XYLT1: variants seen among roughly 807,000 people sequenced by gnomAD.
The protein encoded by XYLT1 is beta-D-xylosyltransferase 1.
XYLT1 carries 36 observed loss-of-function variants against 91.3 expected under a neutral mutation model. That is an observed-to-expected ratio of 0.39 (90% CI 0.30 to 0.52). The LOEUF (loss-of-function observed/expected upper bound fraction) is 0.52. Among genes scored for constraint, XYLT1 ranks in the 20% least tolerant of loss-of-function variants. The pLI is 0.68. For synonymous variants in XYLT1, 588 were observed against 532.0 expected (o/e 1.11, Z -1.45); for missense variants, 1,242 against 1,284.5 (o/e 0.97, Z 0.51).
chr16:17,395,132 G>A (rs2035867503), intron 1 of XYLT1, among the ~76,000 whole-genome samples: 1 of 152,174 alleles, frequency 6.6e-6, no homozygotes, highest in Admixed American at 6.5e-5. Flanking sequence ...ACGGCAGCAG[G>A]AGAGAATGAG....
At chr16:17,201,651 T>A (rs2032545281) in intron 3 of XYLT1, among the ~76,000 whole-genome samples, 1 of 151,954 alleles carries the variant, frequency 6.6e-6, no homozygotes, top group Non-Finnish European at 1.5e-5. Flanking sequence ...ATTTTTGTGT[T>A]TTTAGTAGAG....
intron 2 of XYLT1, among the ~76,000 whole-genome samples, chr16:17,295,316 G>T (rs1430208026): frequency 6.7e-6 from 1 of 149,484 alleles, no homozygotes; most frequent in South Asian, 2.2e-4. Flanking sequence ...GATCAATAAA[G>T]CATTATAGAG....
In XYLT1 at chr16:17,442,347, T is replaced by C. The variant is rs146341335; in HGVS notation, c.363+28087A>G. Among the ~76,000 whole-genome samples the C allele has an allele frequency of 5.4e-4, 83 of 152,314 alleles. No individual in the cohort carries two copies. In the East Asian group the frequency reaches 0.016, roughly 29 times the overall value. Reference sequence around the variant, plus strand: ...AAATTGATAGTGCAGAGCTTACAACTCATTGCAGATCAGAATCAAAAGTGT... The same window carrying C: ...AAATTGATAGTGCAGAGCTTACAACCCATTGCAGATCAGAATCAAAAGTGT... On this transcript the variant is annotated intron_variant, in intron 1 of 11. Transcript: ENST00000261381.
chr16:17,469,141 G>A (rs558185339), intron 1 of XYLT1, among the ~76,000 whole-genome samples: 2 of 152,366 alleles, frequency 1.3e-5, no homozygotes, highest in South Asian at 4.1e-4. Flanking sequence ...ATGAAGAGCT[G>A]CACTCCGGCA....
At chr16:17,227,512 A>T (rs1414352668) in intron 3 of XYLT1, 3 of 152,210 alleles carry the variant, frequency 2.0e-5, no homozygotes, top group Non-Finnish European at 4.4e-5. Flanking sequence ...AACCCAATGA[A>T]CTCATAGCAA....
intron 1 of XYLT1, among the ~76,000 whole-genome samples, chr16:17,452,081 T>C (rs943142461): frequency 1.3e-5 from 2 of 152,128 alleles, no homozygotes; most frequent in African/African-American, 2.4e-5. Context: ...CCTTACTCAA[T>C]TGCTATAAGA....
intron 10 of XYLT1, among the ~76,000 whole-genome samples, chr16:17,123,613 T>C (rs1325508473): frequency 6.6e-6 from 1 of 152,220 alleles, no homozygotes; most frequent in Non-Finnish European, 1.5e-5. Flanking sequence ...TCTTGGAGAA[T>C]GTTCCATGTG....
chr16:17,398,803 T>G (rs1596524959), intron 1 of XYLT1, among the ~76,000 whole-genome samples: 1 of 116,956 alleles, frequency 8.6e-6, no homozygotes, highest in Non-Finnish European at 1.9e-5. Flanking sequence ...TGCATGGCTA[T>G]GTCCAAATGT....
At chr16:17,185,433 A>G (rs1018876692) in intron 5 of XYLT1, among the ~76,000 whole-genome samples, 1 of 152,208 alleles carries the variant, frequency 6.6e-6, no homozygotes, top group Non-Finnish European at 1.5e-5. Context: ...GGTCTCAGGA[A>G]GCAGAGTGTG....
At chr16:17,358,125 CTTT>C (rs766523550) in intron 1 of XYLT1, 75 bp from the exon 2 acceptor site, 14,046 of 1,269,120 alleles carry the variant, frequency 0.011, 5 homozygotes, top group South Asian at 0.022. Context: ...CTTTTTCTTT[CTTT>C]CCTTTTTTTT....
At chr16:17,419,521 C>T (rs982818234) in intron 1 of XYLT1, among the ~76,000 whole-genome samples, 1 of 152,114 alleles carries the variant, frequency 6.6e-6, no homozygotes, top group Non-Finnish European at 1.5e-5. Context: ...GCCAGATTCG[C>T]CCATCCCTGG....
chr16:17,427,277 C>A (rs926466476), intron 1 of XYLT1, among the ~76,000 whole-genome samples: 2 of 152,244 alleles, frequency 1.3e-5, no homozygotes, highest in African/African-American at 4.8e-5. Context: ...AACAACATCT[C>A]CAAGTCAAGC....
At chr16:17,364,900 A>G (rs2035431091) in intron 1 of XYLT1, among the ~76,000 whole-genome samples, 1 of 152,306 alleles carries the variant, frequency 6.6e-6, no homozygotes, top group Non-Finnish European at 1.5e-5. Context: ...AGGAATCTAC[A>G]TTGTTATGAA....
intron 3 of XYLT1, among the ~76,000 whole-genome samples, chr16:17,201,579 AT>A (rs2141590490): frequency 6.7e-6 from 1 of 149,760 alleles, no homozygotes; most frequent in Admixed American, 6.7e-5. Flanking sequence ...GGTTCAAGTG[AT>A]TTTCCTGCCT....
At position 17,200,638 on chromosome 16, in the gene XYLT1, G is replaced by C; in HGVS notation, c.930C>G (p.Asn310Lys). ...CCACGGAGTCCTCGTCCCACTGCAC[G>C]TTCTTGTTGGCTTTACCTGGGGAAA... is the stretch of plus-strand genomic sequence containing the variant. ...FCPLEGKANKNVQWDEDSVEY... is the reference protein window; with the variant it reads ...FCPLEGKANKKVQWDEDSVEY... The change falls in exon 4 of 12, where the codon AAC (asparagine) becomes AAG (lysine). Residue 310 changes from asparagine (N) to lysine (K), a missense_variant. Around this residue, in one of 3 missense-constraint regions of XYLT1, gnomAD observed 437 missense variants for 411.5 expected, o/e 1.06. Coordinates refer to ENST00000261381, the MANE Select transcript of XYLT1 (RefSeq NM_022166.4). 6.2e-7 allele frequency: 1 copy of C among 1,613,218 alleles called. No individual in the cohort carries two copies. The highest frequency in any genetic ancestry group is 8.5e-7 in the Non-Finnish European group (1 of 1,179,208).
At chr16:17,390,670 AAGATAAC>A (rs1242127098) in intron 1 of XYLT1, among the ~76,000 whole-genome samples, 1 of 152,244 alleles carries the variant, frequency 6.6e-6, no homozygotes, top group African/African-American at 2.4e-5. Flanking sequence ...TATACTTTAA[AAGATAAC>A]AGTCCTTCCC....
intron 2 of XYLT1, among the ~76,000 whole-genome samples, chr16:17,287,515 G>A (rs545717863): frequency 1.3e-5 from 2 of 152,152 alleles, no homozygotes; most frequent in Non-Finnish European, 2.9e-5. Context: ...CCCCAATCAG[G>A]CAGCCACTTC....
At chr16:17,448,147 C>A (rs911975996) in intron 1 of XYLT1, among the ~76,000 whole-genome samples, 2 of 152,238 alleles carry the variant, frequency 1.3e-5, no homozygotes. Flanking sequence ...GCGGGTGGAT[C>A]ACTTGAGGTC....
At chr16:17,378,708 AC>A (rs1297436259) in intron 1 of XYLT1, among the ~76,000 whole-genome samples, 1 of 152,234 alleles carries the variant, frequency 6.6e-6, no homozygotes, top group Non-Finnish European at 1.5e-5. Flanking sequence ...GCAAATTACG[AC>A]CAGTTCACAG....
Sources: gnomAD v4.1 joint callset for allele counts (sites outside exome capture counted in the v4.1 genomes callset) on GRCh38, gnomAD v4.1.1 for gene constraint, gnomAD v4.1.1 regional missense constraint, MANE v1.5 for transcripts, NCBI Gene and HGNC (gene_info 2026-07-23, HGNC 2026-07-21) for gene names.